The following CLEC18B variants were observed in gnomAD, a reference collection of about 807,000 sequenced individuals.
The protein encoded by CLEC18B is mannose receptor-like 2.
CLEC18B carries 5 observed loss-of-function variants against 60.4 expected under a neutral mutation model. The ratio of observed to expected loss-of-function variants is 0.08; its 90% CI spans 0.04 to 0.17. The LOEUF is 0.17. Among genes scored for constraint, CLEC18B ranks in the 10% least tolerant of loss-of-function variants. The pLI, the probability that CLEC18B is intolerant of heterozygous loss-of-function variation, is 1.00. For synonymous variants in CLEC18B, 16 were observed against 221.2 expected, an observed-to-expected ratio of 0.07 and a Z score of 8.23; for missense variants, 26 against 572.8, an observed-to-expected ratio of 0.05 and a Z score of 9.74.
At chr16:74,423,537 A>C (rs1484415879), upstream of CLEC18B, among the ~76,000 whole-genome samples, 1 of 152,254 alleles carries the variant, frequency 6.6e-6, no homozygotes, top group Non-Finnish European at 1.5e-5. Context: ...AAAAATACAA[A>C]AATTAGCTGG....
intron 3 of CLEC18B, among the ~76,000 whole-genome samples, chr16:74,414,458 C>T (rs1347312164): frequency 6.6e-5 from 10 of 150,628 alleles, no homozygotes; most frequent in Non-Finnish European, 8.9e-5. Context: ...GATACTGAGC[C>T]GATTTTGAAC....
At chr16:74,413,225 C>T (rs2013262806) in intron 4 of CLEC18B, 67 bp from the exon 5 acceptor site, 10 of 1,611,290 alleles carry the variant, frequency 6.2e-6, no homozygotes, top group South Asian at 3.3e-5. Context: ...GTGGCAGGGC[C>T]CTGCTGCCTA....
At position 74,421,370 on chromosome 16, in the gene CLEC18B, G is replaced by T; in HGVS notation, c.-100C>A. ...AGCTATTCACAATCTCCAGGAGTCAGGCTGGGCTGGTGGACAAAAGAGGGG... is the reference window on the plus strand; with the variant it reads ...AGCTATTCACAATCTCCAGGAGTCATGCTGGGCTGGTGGACAAAAGAGGGG... On this transcript the variant is annotated 5_prime_UTR_variant, in exon 1 of 12. The change creates a new upstream start codon in the 5' untranslated region. Transcript: ENST00000682950. 2.5e-6 allele frequency: 4 copies of T among 1,604,210 alleles called. No homozygotes were observed. Among genetic ancestry groups the T allele is most frequent in the Non-Finnish European group, 3.4e-6 (4 of 1,176,644 alleles).
chr16:74,421,737 G>A (rs2013696632), upstream of CLEC18B: 1 of 231,572 alleles, frequency 4.3e-6, no homozygotes, highest in Non-Finnish European at 8.3e-6. Flanking sequence ...CCCGGGCCCT[G>A]GGAGGAGGAC....
At chr16:74,422,693 A>C (rs2013729923), upstream of CLEC18B, among the ~76,000 whole-genome samples, 1 of 149,676 alleles carries the variant, frequency 6.7e-6, no homozygotes. Context: ...TATTTTTTAG[A>C]CAGTTTCATT....
chr16:74,416,160 G>A (rs1383178086), intron 3 of CLEC18B, among the ~76,000 whole-genome samples: 2 of 151,216 alleles, frequency 1.3e-5, no homozygotes, highest in Non-Finnish European at 2.9e-5. Flanking sequence ...CTACTAGGGA[G>A]GCTGAGGCAG....
upstream of CLEC18B, among the ~76,000 whole-genome samples, chr16:74,423,552 G>A (rs1472262200): frequency 2.0e-5 from 3 of 152,364 alleles, no homozygotes; most frequent in Non-Finnish European, 4.4e-5. Context: ...AGCTGGGCAG[G>A]GTGGTGGGTG....
intron 10 of CLEC18B, among the ~76,000 whole-genome samples, 195 bp downstream of exon 10, chr16:74,410,341 G>A (rs1157638978): frequency 3.3e-5 from 5 of 152,394 alleles, no homozygotes; most frequent in East Asian, 3.9e-4. Flanking sequence ...CCCACGTGAC[G>A]TGCCTTCCGG....
rs62056016 is a variant in CLEC18B, at chr16:74,418,173, G to A, written c.342C>T (p.Pro114=). Reference sequence around the variant, plus strand: ...CTTCAACAAAGGACGCCAAGCCCGCGGGCAGCAGCTGCATGTTCCAGCCCA... The same window carrying A: ...CTTCAACAAAGGACGCCAAGCCCGCAGGCAGCAGCTGCATGTTCCAGCCCA... The part of the protein sequence containing the change: ...LQVGWNMQLL[P]AGLASFVEVV... The change falls in exon 3 of 12, where the codon CCC becomes CCT. Residue 114 remains proline, a synonymous_variant. Coordinates refer to ENST00000682950, the MANE Select transcript of CLEC18B (RefSeq NM_001385193.1). The A allele has an allele frequency of 0.2, 306,405 of 1,561,590 alleles. 4,762 individuals are homozygous for A. The highest frequency in any genetic ancestry group is 0.23 in the Middle Eastern group (1,345 of 5,732).
At position 74,421,406 on chromosome 16, in the gene CLEC18B, C is replaced by T. The variant is rs2013683037; in HGVS notation, c.-136G>A. The T allele has an allele frequency of 9.4e-6, 15 of 1,590,904 alleles. No homozygotes were observed. The highest frequency in any genetic ancestry group is 1.1e-5 in the Non-Finnish European group (13 of 1,170,740). On this transcript the variant is annotated 5_prime_UTR_variant, in exon 1 of 12. Coordinates refer to ENST00000682950, the MANE Select transcript of CLEC18B (RefSeq NM_001385193.1). ...TGGACAAAAGAGGGGGGCTGGTGAA[C>T]AAAAGAAGGAGGCTGGTGAGTGAGT... is the stretch of plus-strand genomic sequence containing the variant.
upstream of CLEC18B, among the ~76,000 whole-genome samples, chr16:74,423,524 A>C (rs1261991713): frequency 2.6e-5 from 4 of 152,252 alleles, no homozygotes; most frequent in Non-Finnish European, 5.9e-5. Flanking sequence ...TCCTGTCTCT[A>C]CTAAAAATAC....
At chr16:74,409,128 GC>G in intron 11 of CLEC18B, 85 bp from the exon 12 acceptor site, 2 of 1,263,628 alleles carry the variant, frequency 1.6e-6, no homozygotes, top group Non-Finnish European at 2.2e-6. Context: ...GTCTGGAAGT[GC>G]CCATGGCCGT....
chr16:74,423,964 G>T (rs2013759248), upstream of CLEC18B, among the ~76,000 whole-genome samples: 1 of 152,200 alleles, frequency 6.6e-6, no homozygotes, highest in African/African-American at 2.4e-5. Flanking sequence ...AGTGGAGCCT[G>T]CTCGGTGGCT....
intron 10 of CLEC18B, among the ~76,000 whole-genome samples, chr16:74,410,067 A>T (rs1275106434): frequency 4.6e-5 from 7 of 152,250 alleles, no homozygotes; most frequent in African/African-American, 1.7e-4. Flanking sequence ...GGCCCTGGGC[A>T]TTGCTGGGCT....
intron 3 of CLEC18B, among the ~76,000 whole-genome samples, chr16:74,416,664 G>A (rs1233828236): frequency 1.4e-5 from 2 of 142,184 alleles, no homozygotes; most frequent in Admixed American, 7.5e-5. Flanking sequence ...GTGAGCCACC[G>A]CACCCAGCCT....
At chr16:74,423,707 A>G (rs1332437112), upstream of CLEC18B, among the ~76,000 whole-genome samples, 2 of 141,274 alleles carry the variant, frequency 1.4e-5, no homozygotes, top group Non-Finnish European at 3.1e-5. Context: ...CCCCTCAAAA[A>G]AAAAAAAAAA....
intron 3 of CLEC18B, among the ~76,000 whole-genome samples, chr16:74,415,917 CCAA>C (rs1164654720): frequency 6.6e-6 from 1 of 151,456 alleles, no homozygotes; most frequent in Non-Finnish European, 1.5e-5. Flanking sequence ...AAAACAACCA[CCAA>C]CAACAAAACA....
At chr16:74,410,182 A>G (rs1297817994) in intron 10 of CLEC18B, among the ~76,000 whole-genome samples, 4 of 152,296 alleles carry the variant, frequency 2.6e-5, no homozygotes, top group African/African-American at 9.6e-5. Flanking sequence ...GGTGGGTGAC[A>G]GCTAAGGAAT....
At position 74,421,211 on chromosome 16, in the gene CLEC18B, G is replaced by C. The variant is rs375542401; in HGVS notation, c.60C>G (p.Leu20=). 96 of 1,609,794 alleles carry C rather than the reference G, an allele frequency of 6.0e-5. 1 individual carries two copies. Among genetic ancestry groups the C allele is most frequent in the Middle Eastern group, 4.5e-4 (2 of 4,454 alleles). The change falls in exon 1 of 12, where the codon CTC becomes CTG. Residue 20 remains leucine, a synonymous_variant. Transcript: ENST00000682950. The part of the protein sequence containing the change: ...RGHLLAVLLA[L]LGTTWAEVWP... Reference sequence around the variant, plus strand: ...ACACCTCTGCCCAGGTGGTGCCAAGGAGGGCCAGGAGCACAGCCAGGAGAT... The same window carrying C: ...ACACCTCTGCCCAGGTGGTGCCAAGCAGGGCCAGGAGCACAGCCAGGAGAT...
Sources: gnomAD v4.1 joint callset for allele counts (sites outside exome capture counted in the v4.1 genomes callset) on GRCh38, gnomAD v4.1.1 for gene constraint, MANE v1.5 for transcripts, NCBI Gene and HGNC (gene_info 2026-07-23, HGNC 2026-07-21) for gene names.